DPP6: variants seen among roughly 807,000 people sequenced by gnomAD.
The protein encoded by DPP6 is dipeptidyl peptidase like 6.
Under a neutral mutation model 122.6 loss-of-function variants are expected in DPP6, and 69 were observed. The observed-to-expected ratio is 0.56, with a 90% CI of 0.46 to 0.69. The LOEUF (loss-of-function observed/expected upper bound fraction) is 0.69, where lower values mean the gene tolerates loss of function less well. Ranked by LOEUF, DPP6 falls within the 30% of genes least tolerant of loss-of-function variation. The pLI is 0.00. For missense variants in DPP6, 928 were observed against 1,116.9 expected, an observed-to-expected ratio of 0.83 and a Z score of 2.41; for synonymous variants, 418 against 433.1, an observed-to-expected ratio of 0.97 and a Z score of 0.43.
intron 1 of DPP6, among the ~76,000 whole-genome samples, chr7:154,393,715 ATGT>A (rs1388144283): frequency 6.6e-6 from 1 of 152,118 alleles, no homozygotes; most frequent in East Asian, 1.9e-4. Flanking sequence ...TGCATTAATA[ATGT>A]TGTATGATGA....
intron 17 of DPP6, 69 bp from the exon 18 acceptor site, chr7:154,867,926 C>T (rs1209870223): frequency 2.0e-6 from 3 of 1,487,844 alleles, no homozygotes; most frequent in Non-Finnish European, 2.7e-6. Flanking sequence ...ACATGAAAAG[C>T]CATGGCCCGC....
chr7:154,542,617 C>T (rs1828821364), intron 4 of DPP6, among the ~76,000 whole-genome samples: 1 of 152,172 alleles, frequency 6.6e-6, no homozygotes, highest in Non-Finnish European at 1.5e-5. Flanking sequence ...GAAAAGTTCT[C>T]ATCTCAGAAA....
At chr7:154,307,506 A>T (rs1563448740) in intron 1 of DPP6, among the ~76,000 whole-genome samples, 1 of 151,950 alleles carries the variant, frequency 6.6e-6, no homozygotes, top group Non-Finnish European at 1.5e-5. Flanking sequence ...CATGAAGTAT[A>T]ATGAAGAGGG....
At chr7:153,946,024 T>A (rs921178736) in intron 1 of DPP6, among the ~76,000 whole-genome samples, 1 of 152,132 alleles carries the variant, frequency 6.6e-6, no homozygotes, top group East Asian at 1.9e-4. Flanking sequence ...TTCACCTTCA[T>A]TGAAGCTGCA....
intron 1 of DPP6, among the ~76,000 whole-genome samples, chr7:154,275,044 T>A (rs1804038926): frequency 6.6e-6 from 1 of 152,348 alleles, no homozygotes; most frequent in Non-Finnish European, 1.5e-5. Flanking sequence ...GCAGGTGCAC[T>A]GTCATGCTCA....
intron 1 of DPP6, among the ~76,000 whole-genome samples, chr7:153,893,403 G>C (rs186842372): frequency 6.6e-6 from 1 of 152,286 alleles, no homozygotes; most frequent in East Asian, 1.9e-4. Flanking sequence ...TCGTCCCCAT[G>C]GACAAGGGCT....
intron 1 of DPP6, among the ~76,000 whole-genome samples, chr7:154,310,533 T>G (rs1176656675): frequency 6.6e-6 from 1 of 152,248 alleles, no homozygotes; most frequent in African/African-American, 2.4e-5. Flanking sequence ...TTTTGTTTTT[T>G]AAAATGCTTT....
intron 25 of DPP6, among the ~76,000 whole-genome samples, chr7:154,891,562 G>A (rs556021298): frequency 6.6e-5 from 10 of 152,280 alleles, no homozygotes; most frequent in Admixed American, 5.2e-4. Flanking sequence ...GGGTGGGCCC[G>A]TGGGCACCCA....
chr7:154,863,939 G>A lies in DPP6; in HGVS notation c.1715-4056G>A, dbSNP rs4960628. On this transcript the variant is annotated intron_variant, in intron 17 of 25. Transcript: ENST00000377770. This position sits in a 1 kb window ranked among gnomAD's most constrained non-coding sequence, Gnocchi z 4.1. Reference sequence around the variant, plus strand: ...CTAATGGCCTAGCCCTGGGGTAAGCGGACGGCAGCTGCAAGAGCACAGGGA... The same window carrying A: ...CTAATGGCCTAGCCCTGGGGTAAGCAGACGGCAGCTGCAAGAGCACAGGGA... Among the ~76,000 whole-genome samples, 44,655 of 152,024 alleles carry A rather than the reference G, an allele frequency of 0.29. 10,255 individuals carry two copies. Among genetic ancestry groups the A allele is most frequent in the African/African-American group, 0.63 (26,096 of 41,426 alleles).
chr7:154,830,927 A>G (rs1800579858), intron 16 of DPP6, among the ~76,000 whole-genome samples: 1 of 152,200 alleles, frequency 6.6e-6, no homozygotes, highest in Admixed American at 6.5e-5. Context: ...TACATCCATT[A>G]TTGCTGGACA....
intron 1 of DPP6, among the ~76,000 whole-genome samples, chr7:154,129,267 A>C (rs531314419): frequency 0.012 from 1,759 of 152,180 alleles, 39 homozygotes; most frequent in African/African-American, 0.04. Flanking sequence ...CATTAACAAG[A>C]GGCTTATCTA....
rs537729123 is a variant in DPP6 at position 154,887,658 on chromosome 7, C to T, written c.2246-18C>T. On this transcript the variant is annotated intron_variant, in intron 22 of 25. Transcript: ENST00000377770. ...CCTCGAAGCCAGAGGTAACCTCCCT[C>T]CCTTTGCTTCCGTGCAGCCTCTGCG... The T allele has an allele frequency of 2.9e-5, 46 of 1,613,658 alleles. No individual in the cohort carries two copies. In the East Asian group the frequency reaches 6.0e-4, roughly 21 times the overall value.
At chr7:154,321,613 C>T (rs1807961627) in intron 1 of DPP6, among the ~76,000 whole-genome samples, 1 of 151,644 alleles carries the variant, frequency 6.6e-6, no homozygotes, top group South Asian at 2.1e-4. Flanking sequence ...GAAACCCCGT[C>T]TCTACTAAAA....
At chr7:154,848,431 A>T (rs993670295) in intron 16 of DPP6, among the ~76,000 whole-genome samples, 1 of 152,150 alleles carries the variant, frequency 6.6e-6, no homozygotes, top group Non-Finnish European at 1.5e-5. Flanking sequence ...AGTGATGCTG[A>T]ATATTTTTCA....
intron 3 of DPP6, among the ~76,000 whole-genome samples, chr7:154,482,605 T>TTATTAATAA (rs2151372725): frequency 6.6e-6 from 1 of 152,330 alleles, no homozygotes; most frequent in South Asian, 2.1e-4. Flanking sequence ...ACTAAGTGTA[T>TTATTAATAA]TAAGTAGGAA....
rs1554436897 is a variant in DPP6 at position 154,023,318 on chromosome 7, G to GCACACACACACACACA, written c.51+135612_51+135627dup. 4.5e-3 allele frequency among the ~76,000 whole-genome samples: 589 copies of GCACACACACACACACA among 129,586 alleles called. 5 individuals are homozygous for GCACACACACACACACA. Among genetic ancestry groups the GCACACACACACACACA allele is most frequent in the East Asian group, 8.1e-3 (34 of 4,214 alleles). The allele number at this position is 129,586 out of a possible 152,430, so 85.0% of individuals were successfully genotyped here. A position where few individuals can be genotyped will look rare whatever the true frequency, so the allele number is the denominator to read the frequency against. On this transcript the variant is annotated intron_variant, in intron 1 of 25. Transcript: ENST00000404039. Reference sequence around the variant, plus strand: ...CAGGCTCTGGAAATGTTTCTTGTCTGCACACACACACACACACACACACAC... The same window carrying GCACACACACACACACA: ...CAGGCTCTGGAAATGTTTCTTGTCTGCACACACACACACACACACACACACACACACACACACACAC...
intron 7 of DPP6, among the ~76,000 whole-genome samples, chr7:154,724,366 A>C (rs1841963484): frequency 1.3e-5 from 2 of 152,096 alleles, no homozygotes; most frequent in South Asian, 4.2e-4. Context: ...CTCATCCCAC[A>C]ACTTCACCCC....
intron 1 of DPP6, among the ~76,000 whole-genome samples, chr7:154,206,624 T>C (rs1000043756): frequency 1.3e-5 from 2 of 152,194 alleles, no homozygotes; most frequent in Non-Finnish European, 2.9e-5. Flanking sequence ...TGTAAGATTG[T>C]ATAAAGTTGA....
chr7:153,845,851 T>C, the DPP6 span, among the ~76,000 whole-genome samples: 1 of 152,322 alleles, frequency 6.6e-6, no homozygotes, highest in South Asian at 2.1e-4. Flanking sequence ...ATCATATTCA[T>C]CCCTCTCTTT....
Sources: gnomAD v4.1 joint callset for allele counts (sites outside exome capture counted in the v4.1 genomes callset) on GRCh38, gnomAD v4.1.1 for gene constraint, Gnocchi (gnomAD v3.1) non-coding constraint, MANE v1.5 for transcripts, NCBI Gene and HGNC (gene_info 2026-07-23, HGNC 2026-07-21) for gene names.